Variants in NLRP1 observed in about 807,000 individuals in gnomAD.
The protein encoded by NLRP1 is NACHT, LRR and PYD domains-containing protein 1.
Under a neutral mutation model 136.7 loss-of-function variants are expected in NLRP1, and 94 were observed. The observed-to-expected ratio is 0.69, with a 90% CI of 0.58 to 0.82. The LOEUF (loss-of-function observed/expected upper bound fraction) is 0.82, where lower values mean the gene tolerates loss of function less well. Among genes scored for constraint, NLRP1 ranks in the 40% least tolerant of loss-of-function variants. The pLI is 0.00. For synonymous variants in NLRP1, 690 were observed against 725.1 expected, an observed-to-expected ratio of 0.95 and a Z score of 0.78; for missense variants, 1,575 against 1,802.7, an observed-to-expected ratio of 0.87 and a Z score of 2.29.
At chr17:5,529,704 T>G (rs1320958878) in intron 12 of NLRP1, among the ~76,000 whole-genome samples, 1 of 152,118 alleles carries the variant, frequency 6.6e-6, no homozygotes, top group East Asian at 1.9e-4. Flanking sequence ...AGTTTCCAAC[T>G]TTGATTTGTC....
intron 3 of NLRP1, among the ~76,000 whole-genome samples, chr17:5,566,690 T>C (rs1306129766): frequency 6.6e-6 from 1 of 152,162 alleles, no homozygotes; most frequent in African/African-American, 2.4e-5. Context: ...TGGTCTGTAA[T>C]GCAGATTAAG....
downstream of NLRP1, chr17:5,512,032 A>G (rs1212389455): frequency 2.7e-5 from 17 of 626,170 alleles, no homozygotes; most frequent in East Asian, 4.6e-4. Context: ...TGACAGTACT[A>G]GTTGTTATCA....
In NLRP1 at chr17:5,533,994, C is replaced by A. The variant is rs751230697; in HGVS notation, c.2961-6G>T. ...GGGTCATCACACTTGGTTTCCTGGA[C>A]AAAGAATTGTTCATTCTGCCTAAGA... is the stretch of plus-strand genomic sequence containing the variant. On this transcript the variant is annotated splice_region_variant and splice_polypyrimidine_tract_variant and intron_variant, in intron 8 of 16. Transcript: ENST00000572272. The A allele has an allele frequency of 2.5e-6, 4 of 1,592,534 alleles. No individual in the cohort carries two copies. Among genetic ancestry groups the A allele is most frequent in the Non-Finnish European group, 3.4e-6 (4 of 1,160,370 alleles).
At chr17:5,545,819 G>C (rs537205452) in intron 5 of NLRP1, among the ~76,000 whole-genome samples, 5 of 152,176 alleles carry the variant, frequency 3.3e-5, no homozygotes, top group Non-Finnish European at 5.9e-5. Flanking sequence ...TGGGTGGTCG[G>C]TTCTACCCAC....
intron 6 of NLRP1, among the ~76,000 whole-genome samples, chr17:5,540,443 G>A (rs1911725139): frequency 1.3e-5 from 2 of 152,104 alleles, no homozygotes; most frequent in Non-Finnish European, 2.9e-5. Context: ...TTCTAGAACT[G>A]TTGGCTCTCC....
chr17:5,521,878 G>A, intron 12 of NLRP1, 92 bp from the exon 13 acceptor site: 7 of 1,283,078 alleles, frequency 5.5e-6, no homozygotes, highest in Non-Finnish European at 7.3e-6. Flanking sequence ...AGGCTGGAGT[G>A]CAATGGTACA....
At chr17:5,548,591 A>T (rs1389191220) in intron 5 of NLRP1, among the ~76,000 whole-genome samples, 1 of 152,194 alleles carries the variant, frequency 6.6e-6, no homozygotes, top group Non-Finnish European at 1.5e-5. Flanking sequence ...AAGTCTTTGA[A>T]GAAAGTATAT....
At chr17:5,528,525 C>T (rs1274937024) in intron 12 of NLRP1, among the ~76,000 whole-genome samples, 1 of 152,196 alleles carries the variant, frequency 6.6e-6, no homozygotes, top group East Asian at 1.9e-4. Flanking sequence ...TGCTCTCCTC[C>T]TGGTGTGCAG....
intron 3 of NLRP1, among the ~76,000 whole-genome samples, chr17:5,578,982 AC>A (rs1441463592): frequency 6.6e-6 from 1 of 152,156 alleles, no homozygotes; most frequent in Non-Finnish European, 1.5e-5. Context: ...GAAGCTGGAA[AC>A]CATCATTCTC....
intron 5 of NLRP1, 75 bp from the exon 6 acceptor site, chr17:5,542,102 A>G (rs1911940198): frequency 7.0e-7 from 1 of 1,429,030 alleles, no homozygotes; most frequent in African/African-American, 1.4e-5. Flanking sequence ...GCAACCATTA[A>G]TCACCTACTA....
intron 15 of NLRP1, among the ~76,000 whole-genome samples, chr17:5,516,789 C>T (rs1175315083): frequency 6.6e-6 from 1 of 152,202 alleles, no homozygotes; most frequent in Non-Finnish European, 1.5e-5. Flanking sequence ...TCTGTGGTTG[C>T]ACCCAAGCCA....
At chr17:5,550,380 A>G (rs1913189027) in intron 5 of NLRP1, among the ~76,000 whole-genome samples, 1 of 152,184 alleles carries the variant, frequency 6.6e-6, no homozygotes, top group Admixed American at 6.5e-5. Context: ...TCTATTTGTT[A>G]TAAGTCTATT....
intron 3 of NLRP1, among the ~76,000 whole-genome samples, chr17:5,562,427 AC>A (rs1203440780): frequency 6.6e-6 from 1 of 152,234 alleles, no homozygotes; most frequent in Non-Finnish European, 1.5e-5. Context: ...CTGTCTGCCA[AC>A]CACGGCCCCT....
intron 3 of NLRP1, among the ~76,000 whole-genome samples, chr17:5,574,390 A>G (rs1371233574): frequency 6.6e-6 from 1 of 152,198 alleles, no homozygotes; most frequent in African/African-American, 2.4e-5. Context: ...TCTGCAGGAT[A>G]TTATCCAGGA....
chr17:5,581,912 T>C lies in NLRP1; in HGVS notation c.599A>G (p.Glu200Gly). 6.2e-7 allele frequency: 1 copy of C among 1,613,712 alleles called. No individual in the cohort carries two copies. Among genetic ancestry groups the C allele is most frequent in the Non-Finnish European group, 8.5e-7 (1 of 1,179,936 alleles). ...CAGAGGCCATTGGGTCCCAGGAGCC[T>C]CCTGCTCTCTGGGTGCTAGGCTGGG... The part of the protein sequence containing the change: ...PQPSLAPREQ[E>G]APGTQWPLDE... The change falls in exon 3 of 17, where the codon GAG (glutamate) becomes GGG (glycine). Residue 200 changes from glutamate to glycine, a missense_variant. Physicochemically the swap from Glu to Gly is moderately conservative, Grantham distance 98. Coordinates refer to ENST00000572272, the MANE Select transcript of NLRP1 (RefSeq NM_033004.4).
chr17:5,524,292 C>T (rs564797267), intron 12 of NLRP1, among the ~76,000 whole-genome samples: 14 of 152,330 alleles, frequency 9.2e-5, no homozygotes, highest in Non-Finnish European at 1.6e-4. Context: ...TCTCTTGTTT[C>T]CTGTGACAGT....
At position 5,559,836 on chromosome 17, in the gene NLRP1, G is replaced by A; in HGVS notation, c.860C>T (p.Pro287Leu). ...CAGGGGATCTTGGCTTCTGGGGTGA[G>A]GTCTTTGTAGAAGTAGCAGCTGTGT... Reference protein sequence around the residue: ...KFTQLLLLQRPHPRSQDPLVK... With the variant: ...KFTQLLLLQRLHPRSQDPLVK... The change falls in exon 4 of 17, where the codon CCT (proline) becomes CTT (leucine). Residue 287 changes from proline to leucine, a missense_variant. Coordinates refer to ENST00000572272, the MANE Select transcript of NLRP1 (RefSeq NM_033004.4). 6.2e-7 allele frequency: 1 copy of A among 1,614,208 alleles called. No homozygotes were observed. The highest frequency in any genetic ancestry group is 8.5e-7 in the Non-Finnish European group (1 of 1,180,034).
rs1225476570 is a variant in NLRP1, at chr17:5,517,355, CCCCCCT to C, written c.4057+385_4057+390del. On this transcript the variant is annotated intron_variant, in intron 15 of 16. Transcript: ENST00000572272. ...ACTGTGATAGTGCACTCTGCACCCC[CCCCCCT>C]CCCACATACACAGACTTTCTTCCAT... Among the ~76,000 whole-genome samples the C allele has an allele frequency of 2.4e-5, 2 of 83,930 alleles. 1 individual carries two copies. The highest frequency in any genetic ancestry group is 5.5e-5 in the Non-Finnish European group (2 of 36,236). The allele number at this position is 83,930 out of a possible 152,430, so 55.1% of individuals were successfully genotyped here.
chr17:5,530,395 C>A, intron 12 of NLRP1, 86 bp downstream of exon 12: 3 of 1,287,556 alleles, frequency 2.3e-6, no homozygotes, highest in African/African-American at 1.5e-5. Flanking sequence ...AGCCACAACA[C>A]CCTCTCCCAG....
Sources: gnomAD v4.1 joint callset for allele counts (sites outside exome capture counted in the v4.1 genomes callset) on GRCh38, gnomAD v4.1.1 for gene constraint, MANE v1.5 for transcripts, NCBI Gene and HGNC (gene_info 2026-07-23, HGNC 2026-07-21) for gene names.